The following COL22A1 variants were observed in gnomAD, a reference collection of about 807,000 sequenced individuals.
COL22A1 encodes collagen type XXII alpha 1 chain.
Under a neutral mutation model 248.9 loss-of-function variants are expected in COL22A1, and 221 were observed. That is an observed-to-expected ratio of 0.89 (90% CI 0.80 to 0.99). The LOEUF is 0.99. COL22A1 is among the 50% of genes least tolerant of loss of function. The pLI is 0.00. For synonymous variants in COL22A1, 891 were observed against 793.4 expected, an observed-to-expected ratio of 1.12 and a Z score of -2.07; for missense variants, 2,240 against 2,179.0, an observed-to-expected ratio of 1.03 and a Z score of -0.56.
Position 138,760,229 on chromosome 8 carries a change from C to G in COL22A1, c.1902+14G>C. 1 of 1,564,704 alleles carries G rather than the reference C, an allele frequency of 6.4e-7. No individual in the cohort carries two copies. Among genetic ancestry groups the G allele is most frequent in the Non-Finnish European group, 8.7e-7 (1 of 1,154,314 alleles). ...CCAGGGCACAGAGCCCTTGACAGCC[C>G]CAGGCTCGCTCACCTTTTCTCCCTG... On this transcript the variant is annotated intron_variant, in intron 18 of 64. Transcript: ENST00000303045.
intron 15 of COL22A1, among the ~76,000 whole-genome samples, chr8:138,777,272 A>G (rs1814556498): frequency 6.6e-6 from 1 of 152,228 alleles, no homozygotes; most frequent in African/African-American, 2.4e-5. Context: ...GGCCAAGGCC[A>G]CAAGACGCCG....
chr8:138,683,709 T>C (rs865779748), intron 39 of COL22A1, among the ~76,000 whole-genome samples: 2 of 152,148 alleles, frequency 1.3e-5, no homozygotes, highest in Non-Finnish European at 2.9e-5. Flanking sequence ...GACCACTGAA[T>C]GGCTGTGTGG....
In COL22A1 at chr8:138,755,461, G is replaced by C. The variant is rs891238111; in HGVS notation, c.1977+21C>G. ...GCTGTGACCTAAATCCCCATGAGAA[G>C]AAGACGCGTGTGCCTCTTACCTGTT... On this transcript the variant is annotated intron_variant, in intron 20 of 64. Transcript: ENST00000303045. 3 of 1,609,234 alleles carry C rather than the reference G, an allele frequency of 1.9e-6. No individual in the cohort carries two copies. In the African/African-American group the frequency reaches 4.0e-5, roughly 22 times the overall value.
chr8:138,878,296 C>A lies in COL22A1; in HGVS notation c.112G>T (p.Asp38Tyr), dbSNP rs753523862. The part of the protein sequence containing the change: ...QRAGCKSVHY[D>Y]LVFLLDTSSS... ...GAGGTGTCCAGGAGGAAGACCAGAT[C>A]GTAGTGGACACTTTTGCAACCTGCA... Residue 38 changes from aspartate (D) to tyrosine (Y), a missense_variant, in exon 3 of 65, where the codon GAT becomes TAT. Physicochemically the swap from Asp to Tyr is radical, Grantham distance 160. Transcript: ENST00000303045. The A allele has an allele frequency of 2.5e-5, 39 of 1,556,672 alleles. No individual in the cohort carries two copies. Among genetic ancestry groups the A allele is most frequent in the Non-Finnish European group, 3.4e-5 (39 of 1,150,184 alleles).
chr8:138,671,468 A>T (rs902068702), intron 41 of COL22A1, among the ~76,000 whole-genome samples: 1 of 152,244 alleles, frequency 6.6e-6, no homozygotes, highest in African/African-American at 2.4e-5. Flanking sequence ...GGTGAGCTCA[A>T]GTGTTGTGAG....
chr8:138,856,147 A>C (rs1289754100), intron 3 of COL22A1, among the ~76,000 whole-genome samples: 1 of 152,212 alleles, frequency 6.6e-6, no homozygotes, highest in Non-Finnish European at 1.5e-5. Context: ...TGAGGAGGGC[A>C]TGGCAATTCT....
rs781581127 is a variant in COL22A1, at chr8:138,878,044, G to A, written c.364C>T (p.Arg122Cys). 55 of 1,592,912 alleles carry A rather than the reference G, an allele frequency of 3.5e-5. No individual in the cohort carries two copies. Among genetic ancestry groups the A allele is most frequent in the Non-Finnish European group, 4.1e-5 (48 of 1,170,320 alleles). ...GAGAAGCTGCGGGCCGTGATGTAGC[G>A]GAGCGCGTCTCCCGTGTTGGTGTTG... ...GGNTNTGDAL[R>C]YITARSFSPH... The change falls in exon 3 of 65, where the codon CGC becomes TGC. Residue 122 changes from arginine to cysteine, a missense_variant. Physicochemically the swap from Arg to Cys is radical, Grantham distance 180. Transcript: ENST00000303045.
intron 59 of COL22A1, among the ~76,000 whole-genome samples, chr8:138,603,749 A>G (rs1215332792): frequency 1.3e-5 from 2 of 152,146 alleles, no homozygotes; most frequent in Non-Finnish European, 2.9e-5. Flanking sequence ...AGGAGTAAAC[A>G]CTTTCCGAAT....
intron 12 of COL22A1, among the ~76,000 whole-genome samples, chr8:138,787,558 T>C (rs139439819): frequency 1.3e-5 from 2 of 152,328 alleles, no homozygotes; most frequent in South Asian, 2.1e-4. Context: ...TCAGATACTA[T>C]TATTTTGGGT....
intron 27 of COL22A1, among the ~76,000 whole-genome samples, chr8:138,720,336 G>A (rs1057464041): frequency 1.3e-5 from 2 of 152,082 alleles, no homozygotes; most frequent in African/African-American, 2.4e-5. Flanking sequence ...GAGAGCGAGC[G>A]AGCACTTGTA....
chr8:138,628,986 C>T (rs1314217937), intron 50 of COL22A1, among the ~76,000 whole-genome samples: 12 of 144,798 alleles, frequency 8.3e-5, no homozygotes, highest in Admixed American at 7.8e-4. Flanking sequence ...ATCTTGAACT[C>T]CTGACCTCAA....
chr8:138,669,660 A>G (rs1316090082), intron 41 of COL22A1, among the ~76,000 whole-genome samples: 2 of 152,140 alleles, frequency 1.3e-5, no homozygotes, highest in African/African-American at 4.8e-5. Flanking sequence ...TCCTCATCTG[A>G]AACCTGGAGA....
intron 16 of COL22A1, among the ~76,000 whole-genome samples, chr8:138,763,389 A>G (rs193215542): frequency 8.1e-4 from 122 of 151,238 alleles, no homozygotes; most frequent in African/African-American, 2.9e-3. Flanking sequence ...TCTGTCTCCA[A>G]AAAAAAAGAA....
intron 40 of COL22A1, 62 bp downstream of exon 40, chr8:138,679,555 G>T: frequency 7.1e-7 from 1 of 1,404,818 alleles, no homozygotes; most frequent in Non-Finnish European, 1.0e-6. Context: ...TTGTTATAAA[G>T]CTGCCTCTGC....
chr8:138,885,572 TTTTTTG>T (rs1189322053), intron 1 of COL22A1, among the ~76,000 whole-genome samples: 2 of 151,892 alleles, frequency 1.3e-5, no homozygotes, highest in Non-Finnish European at 2.9e-5. Flanking sequence ...TCACACAGTT[TTTTTTG>T]TTTTTGTTTT....
chr8:138,737,047 C>T (rs1031119483), intron 23 of COL22A1, among the ~76,000 whole-genome samples: 2 of 152,172 alleles, frequency 1.3e-5, no homozygotes, highest in African/African-American at 4.8e-5. Flanking sequence ...CCCTGTGCTC[C>T]AGCGGCACCA....
At chr8:138,816,486 G>A (rs1028885637) in intron 7 of COL22A1, among the ~76,000 whole-genome samples, 9 of 152,246 alleles carry the variant, frequency 5.9e-5, no homozygotes, top group East Asian at 1.9e-4. Context: ...GCTTCCCTCC[G>A]TATCCCACCC....
At position 138,693,698 on chromosome 8, in the gene COL22A1, C is replaced by A. The variant is rs1827264822; in HGVS notation, c.2702G>T (p.Gly901Val). The A allele has an allele frequency of 1.3e-6, 2 of 1,572,304 alleles. No individual in the cohort carries two copies. The highest frequency in any genetic ancestry group is 1.2e-5 in the South Asian group (1 of 85,468). Residue 901 changes from glycine to valine, a missense_variant and splice_region_variant, in exon 35 of 65, where the codon GGT (glycine) becomes GTT (valine). Gly to Val is a moderately radical substitution (Grantham distance 109). Coordinates refer to ENST00000303045, the MANE Select transcript of COL22A1 (RefSeq NM_152888.3). ...ATGTGCACCTTCCTGTCCCTTGGCA[C>A]CCTGCACAGGAAATAAAAGAGGGGC... The part of the protein sequence containing the change: ...LGPQGPTGPP[G>V]AKGQEGAHGA...
At position 138,877,853 on chromosome 8, in the gene COL22A1, C is replaced by T. The variant is rs780556442; in HGVS notation, c.555G>A (p.Leu185=). The T allele has an allele frequency of 2.0e-5, 32 of 1,613,432 alleles. 1 individual carries two copies. The South Asian group carries it at 3.4e-4, about 17-fold the overall frequency. Residue 185 remains leucine (L), a synonymous_variant, in exon 3 of 65, where the codon CTG becomes CTA. Coordinates refer to ENST00000303045, the MANE Select transcript of COL22A1 (RefSeq NM_152888.3). ...VGVGEALKEE[L]EEIASEPKSA... ...ACTTGGGCTCTGAGGCGATCTCCTC[C>T]AGCTCCTCCTTGAGTGCCTCGCCCA...
Sources: allele counts gnomAD v4.1 joint callset (sites outside exome capture counted in the v4.1 genomes callset), GRCh38; gene constraint gnomAD v4.1.1; transcripts MANE v1.5; gene names NCBI Gene and HGNC (gene_info 2026-07-23, HGNC 2026-07-21).